The following CELF2 variants were observed in gnomAD, a reference collection of about 807,000 sequenced individuals.
CELF2 encodes CUG triplet repeat RNA-binding protein 2.
CELF2 carries 8 observed loss-of-function variants against 62.6 expected under a neutral mutation model. The ratio of observed to expected loss-of-function variants is 0.13; its 90% confidence interval spans 0.07 to 0.23. CELF2 has a LOEUF of 0.23. Ranked by LOEUF, CELF2 falls within the 10% of genes least tolerant of loss-of-function variation. CELF2 has a pLI of 1.00. For synonymous variants in CELF2, 258 were observed against 250.0 expected (o/e 1.03, Z -0.30); for missense variants, 333 against 671.0 (o/e 0.50, Z 5.56).
the CELF2 span, among the ~76,000 whole-genome samples, chr10:10,635,242 A>G: frequency 0.023 from 3,499 of 152,268 alleles, 128 homozygotes; most frequent in African/African-American, 0.08. Flanking sequence ...TCTTTAATTC[A>G]TTTATTATCC....
rs2055096289 is a variant in CELF2 at position 11,005,552 on chromosome 10, G to A, written c.53+112G>A. 2.0e-6 allele frequency: 3 copies of A among 1,506,074 alleles called. No homozygotes were observed. Among genetic ancestry groups the A allele is most frequent in the Non-Finnish European group, 2.8e-6 (3 of 1,089,576 alleles). 93.3% of individuals were successfully genotyped at this position (1,506,074 alleles called of 1,614,324 possible). Reference sequence around the variant, plus strand: ...GCTTCCTTACCTTAGAAGAGAAGGGGGGAAAAAGAATCTAAAGAGGAAGAG... The same window carrying A: ...GCTTCCTTACCTTAGAAGAGAAGGGAGGAAAAAGAATCTAAAGAGGAAGAG... On this transcript the variant is annotated intron_variant, in intron 1 of 12. Coordinates refer to the CELF2 transcript ENST00000416382. This position sits in a 1 kb window ranked among gnomAD's most constrained non-coding sequence, Gnocchi z 4.3.
chr10:11,313,896 C>G (rs1461639261), intron 9 of CELF2, among the ~76,000 whole-genome samples: 1 of 152,094 alleles, frequency 6.6e-6, no homozygotes, highest in Non-Finnish European at 1.5e-5. Context: ...CTCCCATTCG[C>G]AGATTTCCCC....
intron 4 of CELF2, among the ~76,000 whole-genome samples, chr10:11,253,195 T>TA (rs1180780435): frequency 6.6e-6 from 1 of 152,216 alleles, no homozygotes; most frequent in Non-Finnish European, 1.5e-5. Context: ...TTGTTGTTTT[T>TA]ACTCTATATA....
chr10:10,618,898 A>G, the CELF2 span, among the ~76,000 whole-genome samples: 71,031 of 151,952 alleles, frequency 0.47, 17,142 homozygotes, highest in South Asian at 0.73. Context: ...AGGAGATAGC[A>G]TCTGATTTAC....
intron 1 of CELF2, among the ~76,000 whole-genome samples, chr10:10,827,491 C>T (rs970849346): frequency 3.3e-5 from 5 of 152,322 alleles, no homozygotes; most frequent in African/African-American, 7.2e-5. Flanking sequence ...AGTTTAAAGA[C>T]ATAGCGAAAC....
At chr10:11,123,179 CTCTAAAGTCCTTGCTTACA>C in intron 1 of CELF2, among the ~76,000 whole-genome samples, 1 of 152,288 alleles carries the variant, frequency 6.6e-6, no homozygotes, top group Admixed American at 6.5e-5. Context: ...GATTTGTGAT[CTCTAAAGTCCTTGCTTACA>C]AGCACACTGT....
At chr10:10,680,353 T>C in the CELF2 span, among the ~76,000 whole-genome samples, 1 of 151,972 alleles carries the variant, frequency 6.6e-6, no homozygotes, top group East Asian at 1.9e-4. Context: ...TACTCAACAG[T>C]TTTGGTTTAT....
the CELF2 span, among the ~76,000 whole-genome samples, chr10:10,555,682 G>C: frequency 6.6e-6 from 1 of 152,162 alleles, no homozygotes; most frequent in African/African-American, 2.4e-5. Flanking sequence ...CATTGAACAA[G>C]TTGAAATCTA....
intron 2 of CELF2, among the ~76,000 whole-genome samples, chr10:11,197,058 A>AAAGAAAGAAAGAAGG (rs1250421470): frequency 1.4e-5 from 1 of 71,932 alleles, no homozygotes; most frequent in African/African-American, 5.8e-5. Context: ...AGAAAGAAAG[A>AAAGAAAGAAAGAAGG]AAAGAAAGAA....
Position 11,307,955 on chromosome 10 carries a change from T to C in CELF2, c.977-6184T>C, listed in dbSNP as rs1319760016. Reference sequence around the variant, plus strand: ...AAGGTGGGGAGACTGGTGAGGTCTGTGCTGTAAGATGACGTTCTGCACAGT... The same window carrying C: ...AAGGTGGGGAGACTGGTGAGGTCTGCGCTGTAAGATGACGTTCTGCACAGT... On this transcript the variant is annotated intron_variant, in intron 9 of 12. Transcript: ENST00000633077. 2.0e-5 allele frequency among the ~76,000 whole-genome samples: 3 copies of C among 152,348 alleles called. No individual in the cohort carries two copies. The East Asian group carries it at 5.8e-4, about 29-fold the overall frequency.
chr10:10,550,384 G>A, the CELF2 span, among the ~76,000 whole-genome samples: 1 of 152,276 alleles, frequency 6.6e-6, no homozygotes, highest in East Asian at 1.9e-4. Context: ...CTGTGTATAA[G>A]TGGACCCACA....
the CELF2 span, among the ~76,000 whole-genome samples, chr10:10,590,749 C>T: frequency 6.6e-6 from 1 of 152,224 alleles, no homozygotes; most frequent in Non-Finnish European, 1.5e-5. Context: ...GGACTGGCCC[C>T]TCCCTCATCA....
chr10:11,108,181 C>T (rs1296248207), intron 1 of CELF2, among the ~76,000 whole-genome samples: 2 of 143,496 alleles, frequency 1.4e-5, no homozygotes, highest in African/African-American at 5.3e-5. Flanking sequence ...CAGGGATGCT[C>T]TCATTTTGTT....
chr10:11,000,378 C>T (rs1202335791), upstream of CELF2, among the ~76,000 whole-genome samples: 1 of 152,158 alleles, frequency 6.6e-6, no homozygotes, highest in Non-Finnish European at 1.5e-5. Flanking sequence ...TACCTATTTT[C>T]AAGTGGCTTC....
chr10:11,236,486 C>T (rs1329999532), intron 3 of CELF2, among the ~76,000 whole-genome samples: 1 of 152,180 alleles, frequency 6.6e-6, no homozygotes, highest in Non-Finnish European at 1.5e-5. Context: ...TGTTTTAAGT[C>T]ATCAAGTCAC....
the CELF2 span, among the ~76,000 whole-genome samples, chr10:10,507,306 A>AGTG: frequency 0.99 from 151,430 of 152,294 alleles, 75,286 homozygotes; most frequent in East Asian, 1. Context: ...AAATACTCAC[A>AGTG]CCTAAATTTT....
intron 2 of CELF2, among the ~76,000 whole-genome samples, chr10:10,951,302 C>T (rs2048295708): frequency 6.6e-6 from 1 of 152,096 alleles, no homozygotes; most frequent in Non-Finnish European, 1.5e-5. Context: ...CACCACCACA[C>T]CCAGCTATAT....
chr10:11,212,346 G>A (rs1012967155), intron 2 of CELF2, among the ~76,000 whole-genome samples: 3 of 152,052 alleles, frequency 2.0e-5, no homozygotes, highest in South Asian at 2.1e-4. Flanking sequence ...GCCCCCCCGG[G>A]CCTGCCTTCA....
chr10:10,684,494 G>C, the CELF2 span, among the ~76,000 whole-genome samples: 2 of 152,114 alleles, frequency 1.3e-5, no homozygotes, highest in Non-Finnish European at 2.9e-5. Context: ...TGTAATCCCA[G>C]GACTTTGAGA....
Sources: allele counts gnomAD v4.1 joint callset (sites outside exome capture counted in the v4.1 genomes callset), GRCh38; gene constraint gnomAD v4.1.1; non-coding constraint Gnocchi (gnomAD v3.1); transcripts MANE v1.5; gene names NCBI Gene and HGNC (gene_info 2026-07-23, HGNC 2026-07-21).